Variants in ERMARD observed in about 807,000 individuals in gnomAD.
The protein encoded by ERMARD is ER membrane associated RNA degradation, also known as endoplasmic reticulum membrane-associated RNA degradation protein.
ERMARD carries 71 observed loss-of-function variants against 83.9 expected under a neutral mutation model. The ratio of observed to expected loss-of-function variants is 0.85; its 90% CI spans 0.70 to 1.03. The LOEUF (loss-of-function observed/expected upper bound fraction) is 1.03. Among genes scored for constraint, ERMARD ranks in the 50% least tolerant of loss-of-function variants. The pLI is 0.00. For synonymous variants in ERMARD, 284 were observed against 298.6 expected, an observed-to-expected ratio of 0.95 and a Z score of 0.50; for missense variants, 838 against 810.9, an observed-to-expected ratio of 1.03 and a Z score of -0.41.
At chr6:169,772,199 C>A (rs1359161528) in intron 12 of ERMARD, among the ~76,000 whole-genome samples, 1 of 152,228 alleles carries the variant, frequency 6.6e-6, no homozygotes, top group Non-Finnish European at 1.5e-5. Context: ...GATCCTTTTA[C>A]CAACATGTCT....
At chr6:169,775,237 A>C (rs750009211) in intron 13 of ERMARD, 33 bp from the exon 14 acceptor site, 9 of 1,607,118 alleles carry the variant, frequency 5.6e-6, no homozygotes, top group Non-Finnish European at 1.7e-6. Context: ...GTTACTGTGA[A>C]ATCTACAAAA....
chr6:169,766,046 A>T (rs1372653524), intron 9 of ERMARD, among the ~76,000 whole-genome samples: 3 of 151,374 alleles, frequency 2.0e-5, no homozygotes, highest in African/African-American at 4.9e-5. Context: ...TGTCTGTCAA[A>T]TCTCACTGAA....
At chr6:169,780,353 G>A (rs1794065556) in intron 17 of ERMARD, among the ~76,000 whole-genome samples, 1 of 152,168 alleles carries the variant, frequency 6.6e-6, no homozygotes, top group African/African-American at 2.4e-5. Context: ...CCAGTAGAGA[G>A]CCCTCCTCTA....
Position 169,751,673 on chromosome 6 carries a change from G to C in ERMARD, c.6+10G>C, listed in dbSNP as rs767803316. 1 of 1,554,204 alleles carries C rather than the reference G, an allele frequency of 6.4e-7. No individual in the cohort carries two copies. Among genetic ancestry groups the C allele is most frequent in the African/African-American group, 1.4e-5 (1 of 73,258 alleles). Reference sequence around the variant, plus strand: ...ACCGGAAGTTATGGAGGTAGGGCGGGTGTAGGGCCCGGTTCGATCCCGAGC... The same window carrying C: ...ACCGGAAGTTATGGAGGTAGGGCGGCTGTAGGGCCCGGTTCGATCCCGAGC... On this transcript the variant is annotated intron_variant, in intron 1 of 17. Transcript: ENST00000366773.
intron 6 of ERMARD, among the ~76,000 whole-genome samples, chr6:169,759,426 AT>A (rs112581398): frequency 6.1e-5 from 9 of 147,580 alleles, no homozygotes; most frequent in African/African-American, 1.2e-4. Context: ...ATTTTGTGCA[AT>A]TTTTTTTTTT....
At chr6:169,756,250 C>G in intron 3 of ERMARD, 88 bp from the exon 4 acceptor site, 3 of 695,824 alleles carry the variant, frequency 4.3e-6, no homozygotes, top group Non-Finnish European at 4.5e-6. Flanking sequence ...GTTGAAATCT[C>G]TCGAGGTTTG....
chr6:169,776,431 C>T, intron 15 of ERMARD, 24 bp from the exon 16 acceptor site: 1 of 1,607,300 alleles, frequency 6.2e-7, no homozygotes, highest in Non-Finnish European at 8.5e-7. Flanking sequence ...ATGATGCCTG[C>T]TCCAAGTCTG....
rs535673365 is a variant in ERMARD, at chr6:169,774,417, G to A, written c.1318-853G>A. On this transcript the variant is annotated intron_variant, in intron 13 of 17. Transcript: ENST00000366773. ...GTGCTTTCCAAGAGCAAGCCCTTAC[G>A]AAGGTGGAGGTGGGCAGGTAGGGAG... Among the ~76,000 whole-genome samples the A allele has an allele frequency of 2.8e-4, 42 of 152,280 alleles. No homozygotes were observed. The South Asian group carries it at 3.9e-3, about 14-fold the overall frequency.
chr6:169,760,687 A>G lies in ERMARD; in HGVS notation c.788A>G (p.Lys263Arg), dbSNP rs77857406. ...VLSVLEEVMMKSAFILKIMLP... is the reference protein window; with the variant it reads ...VLSVLEEVMMRSAFILKIMLP... ...TCAGTATTAGAAGAAGTGATGATGA[A>G]ATCTGCTTTTATATTAAAAATCATG... Residue 263 changes from lysine to arginine, a missense_variant, in exon 8 of 18, where the codon AAA becomes AGA. Lys to Arg is a conservative substitution (Grantham distance 26, BLOSUM62 2). Transcript: ENST00000366773. 3.0e-4 allele frequency: 481 copies of G among 1,613,928 alleles called. 5 individuals are homozygous for G. In the East Asian group the frequency reaches 9.5e-3, roughly 32 times the overall value.
chr6:169,781,220 A>C, intron 17 of ERMARD, 110 bp from the exon 18 acceptor site: 1 of 959,772 alleles, frequency 1.0e-6, no homozygotes, highest in Non-Finnish European at 1.5e-6. Context: ...CTCAGACATA[A>C]ATTAACTGCA....
chr6:169,754,185 G>C (rs564343371), intron 2 of ERMARD, among the ~76,000 whole-genome samples, 153 bp downstream of exon 2: 25 of 152,298 alleles, frequency 1.6e-4, no homozygotes, highest in African/African-American at 6.0e-4. Context: ...AATGTGAAAA[G>C]AGAGGGAATG....
Position 169,759,052 on chromosome 6 carries a change from G to A in ERMARD, c.592G>A (p.Glu198Lys). The part of the protein sequence containing the change: ...VLWHGFASPE[E>K]IPPKYCSMMI... ...ATGGCATGGGTTTGCGTCACCTGAA[G>A]AAATTCCTCCAAAGTAAGTTGCAAG... The change falls in exon 6 of 18, where the codon GAA becomes AAA. Residue 198 changes from glutamate (E) to lysine (K), a missense_variant. Physicochemically the swap from Glu to Lys is moderately conservative, Grantham distance 56 (BLOSUM62 1). Transcript: ENST00000366773. The A allele has an allele frequency of 6.2e-7, 1 of 1,613,792 alleles. No homozygotes were observed. The highest frequency in any genetic ancestry group is 8.5e-7 in the Non-Finnish European group (1 of 1,179,896).
chr6:169,776,097 A>C, intron 15 of ERMARD, 32 bp downstream of exon 15: 1 of 1,607,994 alleles, frequency 6.2e-7, no homozygotes, highest in Non-Finnish European at 8.5e-7. Context: ...CAACTGTTGA[A>C]ACATTGATTC....
chr6:169,779,499 TTTTG>T (rs1235637900), intron 17 of ERMARD, among the ~76,000 whole-genome samples: 2 of 144,532 alleles, frequency 1.4e-5, no homozygotes, highest in African/African-American at 2.7e-5. Context: ...TTTTGTTTTG[TTTTG>T]TTTTTTTTGG....
intron 16 of ERMARD, among the ~76,000 whole-genome samples, chr6:169,778,153 A>AT (rs1793809420): frequency 6.6e-6 from 1 of 152,250 alleles, no homozygotes; most frequent in Non-Finnish European, 1.5e-5. Flanking sequence ...TGCCGAACCC[A>AT]TAACGAATGT....
upstream of ERMARD, chr6:169,751,554 G>A (rs959644051): frequency 4.3e-6 from 7 of 1,610,296 alleles, no homozygotes; most frequent in East Asian, 4.5e-5. Flanking sequence ...TCCCACCTGC[G>A]CCTCGTACGG....
intron 7 of ERMARD, 61 bp from the exon 8 acceptor site, chr6:169,760,581 G>A: frequency 8.0e-7 from 1 of 1,244,816 alleles, no homozygotes; most frequent in Non-Finnish European, 1.1e-6. Flanking sequence ...CCCCCAGCAT[G>A]TTTCCATCTT....
intron 12 of ERMARD, among the ~76,000 whole-genome samples, chr6:169,772,770 CAA>C (rs60417475): frequency 0.19 from 18,592 of 99,702 alleles, 1,324 homozygotes; most frequent in East Asian, 0.54. Context: ...GACTCTGTCT[CAA>C]AAAAAAAAAA....
chr6:169,767,840 A>G (rs1040806077), intron 10 of ERMARD: 10 of 495,050 alleles, frequency 2.0e-5, no homozygotes, highest in Non-Finnish European at 3.6e-5. Flanking sequence ...ATGCACATAC[A>G]CATATACACA....
Sources: gnomAD v4.1 joint callset for allele counts (sites outside exome capture counted in the v4.1 genomes callset) on GRCh38, gnomAD v4.1.1 for gene constraint, MANE v1.5 for transcripts, NCBI Gene and HGNC (gene_info 2026-07-23, HGNC 2026-07-21) for gene names.